Variants in PLD5 observed in about 807,000 individuals in gnomAD.
PLD5 encodes phospholipase D family member 5.
PLD5 carries 36 observed loss-of-function variants against 61.1 expected under a neutral mutation model. That is an observed-to-expected ratio of 0.59 (90% CI 0.45 to 0.78). The LOEUF (loss-of-function observed/expected upper bound fraction) is 0.78. PLD5 is among the 30% of genes least tolerant of loss of function. PLD5 has a pLI of 0.00. For synonymous variants in PLD5, 243 were observed against 242.8 expected (o/e 1.00, Z -0.01); for missense variants, 515 against 644.4 (o/e 0.80, Z 2.17).
chr1:242,269,478 A>G (rs548336065), intron 3 of PLD5, among the ~76,000 whole-genome samples: 1 of 150,918 alleles, frequency 6.6e-6, no homozygotes, highest in East Asian at 1.9e-4. Flanking sequence ...CTGTTTCTCT[A>G]CCCTCCTAGG....
At chr1:242,468,664 T>C (rs1199456031) in intron 1 of PLD5, among the ~76,000 whole-genome samples, 1 of 151,904 alleles carries the variant, frequency 6.6e-6, no homozygotes, top group Non-Finnish European at 1.5e-5. Context: ...AATATCAGCA[T>C]ATGTAAATAC....
intron 1 of PLD5, among the ~76,000 whole-genome samples, chr1:242,378,709 T>C (rs1662110489): frequency 6.6e-6 from 1 of 151,858 alleles, no homozygotes; most frequent in South Asian, 2.1e-4. Flanking sequence ...GGTGTGTTGG[T>C]GCATGCCTGT....
chr1:242,179,474 C>A (rs1301854332), intron 5 of PLD5, among the ~76,000 whole-genome samples: 3 of 152,206 alleles, frequency 2.0e-5, no homozygotes, highest in Non-Finnish European at 4.4e-5. Flanking sequence ...CAGTCCCTCA[C>A]TGTCAGCCAC....
chr1:242,186,652 T>C (rs1667918301), intron 5 of PLD5, among the ~76,000 whole-genome samples: 1 of 152,128 alleles, frequency 6.6e-6, no homozygotes, highest in South Asian at 2.1e-4. Flanking sequence ...AAAAAACAAC[T>C]AGTGATTGAC....
At chr1:242,492,800 G>A (rs550620373) in intron 1 of PLD5, among the ~76,000 whole-genome samples, 165 of 152,270 alleles carry the variant, frequency 1.1e-3, no homozygotes, top group African/African-American at 3.2e-3. Context: ...GCAGACATCT[G>A]TTGTCTCCGT....
Position 242,083,600 on chromosome 1 carries a change from C to T in PLD5, c.*6254G>A, listed in dbSNP as rs1308110953. 1 of 152,156 alleles carries T rather than the reference C, an allele frequency of 6.6e-6. No individual in the cohort carries two copies. Among genetic ancestry groups the T allele is most frequent in the Non-Finnish European group, 1.5e-5 (1 of 68,024 alleles). 9.4% of individuals were successfully genotyped at this position (152,156 alleles called of 1,614,324 possible). A position where few individuals can be genotyped will look rare whatever the true frequency, so the allele number is the denominator to read the frequency against. ...GGATTTTCAAAGTGCTTTATCAGTA[C>T]CATAACTTTGCTGAAAATATGGTGT... On this transcript the variant is annotated 3_prime_UTR_variant, in exon 10 of 10. Coordinates refer to ENST00000536534, the MANE Select transcript of PLD5 (RefSeq NM_001372062.1).
intron 5 of PLD5, among the ~76,000 whole-genome samples, chr1:242,136,486 C>T (rs560440073): frequency 6.6e-6 from 1 of 152,244 alleles, no homozygotes; most frequent in East Asian, 1.9e-4. Context: ...GTTCCAACGT[C>T]GTTTGAGAAA....
chr1:242,374,011 C>A (rs368505162), intron 1 of PLD5, among the ~76,000 whole-genome samples: 19 of 151,844 alleles, frequency 1.3e-4, no homozygotes, highest in African/African-American at 4.8e-5. Flanking sequence ...CCACATTGAG[C>A]CACAAAGTTT....
chr1:242,114,267 A>G (rs1661769172), intron 6 of PLD5, among the ~76,000 whole-genome samples: 1 of 152,082 alleles, frequency 6.6e-6, no homozygotes, highest in Non-Finnish European at 1.5e-5. Context: ...ACACATTTTG[A>G]TTTTCAATTT....
chr1:242,268,380 T>C (rs1574641104), intron 3 of PLD5, among the ~76,000 whole-genome samples: 1 of 152,204 alleles, frequency 6.6e-6, no homozygotes, highest in East Asian at 1.9e-4. Context: ...GTTAACAGAA[T>C]ATATTTGGCA....
intron 5 of PLD5, among the ~76,000 whole-genome samples, chr1:242,190,302 C>T (rs937001267): frequency 2.6e-5 from 4 of 151,832 alleles, no homozygotes; most frequent in African/African-American, 4.8e-5. Context: ...CCTGCCACCA[C>T]GCCCGGCTAA....
chr1:242,263,071 A>G (rs1354978766), intron 4 of PLD5, among the ~76,000 whole-genome samples: 4 of 152,082 alleles, frequency 2.6e-5, no homozygotes, highest in Non-Finnish European at 4.4e-5. Context: ...GGGGAGCAAA[A>G]GGAACAGGAA....
intron 1 of PLD5, among the ~76,000 whole-genome samples, chr1:242,422,660 C>T (rs1463531880): frequency 6.6e-6 from 1 of 152,202 alleles, no homozygotes; most frequent in East Asian, 1.9e-4. Flanking sequence ...GGACACCTGG[C>T]GTCCACAAAA....
At chr1:242,231,669 A>G (rs1465062369) in intron 4 of PLD5, among the ~76,000 whole-genome samples, 1 of 152,216 alleles carries the variant, frequency 6.6e-6, no homozygotes, top group Non-Finnish European at 1.5e-5. Context: ...AGATGTTTCG[A>G]GAGAATAATC....
intron 1 of PLD5, among the ~76,000 whole-genome samples, chr1:242,459,690 C>A (rs184638310): frequency 1.2e-3 from 186 of 152,252 alleles, no homozygotes; most frequent in South Asian, 3.1e-3. Flanking sequence ...ACTGCCAGAA[C>A]GAGCCAACAG....
rs1383648743 is a variant in PLD5, at chr1:242,295,542, C to A, written c.327-7012G>T. 2.6e-5 allele frequency among the ~76,000 whole-genome samples: 4 copies of A among 152,248 alleles called. No homozygotes were observed. The East Asian group carries it at 7.7e-4, about 29-fold the overall frequency. ...CACATTTTCTTTATCCAGTGTACCA[C>A]TGATAGATACTTAGGTTGATTCCAT... On this transcript the variant is annotated intron_variant, in intron 2 of 9. Coordinates refer to ENST00000536534, the MANE Select transcript of PLD5 (RefSeq NM_001372062.1).
intron 5 of PLD5, among the ~76,000 whole-genome samples, chr1:242,183,713 G>A (rs1219795200): frequency 6.6e-6 from 1 of 152,144 alleles, no homozygotes; most frequent in Non-Finnish European, 1.5e-5. Flanking sequence ...GGCTAACACG[G>A]TGAAACCCGT....
At chr1:242,214,660 T>A (rs771574521) in intron 5 of PLD5, among the ~76,000 whole-genome samples, 1 of 152,110 alleles carries the variant, frequency 6.6e-6, no homozygotes, top group Non-Finnish European at 1.5e-5. Flanking sequence ...CAAATTATCC[T>A]ACAATGCCCA....
intron 5 of PLD5, among the ~76,000 whole-genome samples, chr1:242,148,996 C>A (rs1278916936): frequency 3.4e-5 from 5 of 148,510 alleles, no homozygotes; most frequent in Middle Eastern, 3.5e-3. Flanking sequence ...CAAGTCTATG[C>A]CTTTTATTTC....
Sources: allele counts gnomAD v4.1 joint callset (sites outside exome capture counted in the v4.1 genomes callset), GRCh38; gene constraint gnomAD v4.1.1; transcripts MANE v1.5; gene names NCBI Gene and HGNC (gene_info 2026-07-23, HGNC 2026-07-21).